The following ITPR1 variants were observed in gnomAD, a reference collection of about 807,000 sequenced individuals.
ITPR1 encodes the protein inositol 1,4,5-trisphosphate receptor type 1.
Under a neutral mutation model 318.4 loss-of-function variants are expected in ITPR1, and 96 were observed. The observed-to-expected ratio is 0.30, with a 90% CI of 0.26 to 0.36. The LOEUF is 0.36. Among genes scored for constraint, ITPR1 ranks in the 10% least tolerant of loss-of-function variants. The pLI is 1.00. For synonymous variants in ITPR1, 1,312 were observed against 1,289.9 expected (o/e 1.02, Z -0.37); for missense variants, 2,440 against 3,460.2 (o/e 0.71, Z 7.40).
intron 4 of ITPR1, among the ~76,000 whole-genome samples, chr3:4,562,114 C>A (rs1005493273): frequency 9.4e-6 from 1 of 106,476 alleles, no homozygotes; most frequent in Admixed American, 9.6e-5. Flanking sequence ...TAAATAAATG[C>A]AAAAAAAAAA....
intron 44 of ITPR1, chr3:4,751,150 T>A (rs2044481471): frequency 6.6e-6 from 1 of 152,654 alleles, no homozygotes; most frequent in Non-Finnish European, 1.5e-5. Flanking sequence ...AGCAATGACG[T>A]CTCTGTCTCC....
chr3:4,663,126 C>G lies in ITPR1; in HGVS notation c.1474C>G (p.Gln492Glu). The G allele has an allele frequency of 6.2e-7, 1 of 1,613,628 alleles. No homozygotes were observed. The highest frequency in any genetic ancestry group is 8.5e-7 in the Non-Finnish European group (1 of 1,179,670). The change falls in exon 16 of 62, where the codon CAA becomes GAA. Residue 492 changes from glutamine to glutamate, a missense_variant. Physicochemically the swap from Gln to Glu is conservative, Grantham distance 29. Around this residue, in one of 23 missense-constraint regions of ITPR1, gnomAD observed 478 missense variants for 696.3 expected, o/e 0.69. Coordinates refer to ENST00000649015, the MANE Select transcript of ITPR1 (RefSeq NM_001378452.1). ...YFVTGGTNSG[Q>E]DVLEVVFSKP... ...CGTCACTGGTGGAACTAATTCTGGTCAAGATGTTCTCGAAGTTGTCTTCTC... is the reference window on the plus strand; with the variant it reads ...CGTCACTGGTGGAACTAATTCTGGTGAAGATGTTCTCGAAGTTGTCTTCTC...
chr3:4,758,273 A>G (rs1485623725), intron 44 of ITPR1, among the ~76,000 whole-genome samples: 1 of 152,116 alleles, frequency 6.6e-6, no homozygotes, highest in Non-Finnish European at 1.5e-5. Flanking sequence ...TTAGAAGCTG[A>G]TGGAAATGCT....
chr3:4,558,038 T>C (rs2086307038), intron 4 of ITPR1, among the ~76,000 whole-genome samples: 1 of 152,210 alleles, frequency 6.6e-6, no homozygotes, highest in South Asian at 2.1e-4. Flanking sequence ...ATAAGTTTAG[T>C]AAAGTGTTTG....
chr3:4,497,317 T>C (rs1396814241), intron 2 of ITPR1, among the ~76,000 whole-genome samples: 1 of 59,606 alleles, frequency 1.7e-5, no homozygotes, highest in African/African-American at 6.3e-5. Flanking sequence ...TAACAGACTC[T>C]AAGACCTGTT....
At chr3:4,550,389 C>A (rs1330157598) in intron 4 of ITPR1, among the ~76,000 whole-genome samples, 1 of 152,202 alleles carries the variant, frequency 6.6e-6, no homozygotes, top group African/African-American at 2.4e-5. Context: ...TGCCATCTAC[C>A]TAACGGGGTC....
intron 2 of ITPR1, among the ~76,000 whole-genome samples, chr3:4,514,355 G>A (rs961062637): frequency 4.6e-5 from 7 of 152,154 alleles, no homozygotes; most frequent in African/African-American, 1.2e-4. Flanking sequence ...ATGCAGAACC[G>A]TGCTGTAGGA....
rs1051384673 is a variant in ITPR1, at chr3:4,847,474, A to T, written c.*1249A>T. On this transcript the variant is annotated 3_prime_UTR_variant, in exon 62 of 62. Coordinates refer to ENST00000649015, the MANE Select transcript of ITPR1 (RefSeq NM_001378452.1). ...TAAAGTTTGTAAATGCATATATAAA[A>T]ATATTTAATAAATGATGCAGAATAT... is the stretch of plus-strand genomic sequence containing the variant. 2.6e-5 allele frequency: 4 copies of T among 152,306 alleles called. No homozygotes were observed. Among genetic ancestry groups the T allele is most frequent in the Non-Finnish European group, 5.9e-5 (4 of 68,036 alleles). The allele number at this position is 152,306 out of a possible 1,614,324, so 9.4% of individuals were successfully genotyped here.
chr3:4,723,230 G>T (rs993832694), intron 40 of ITPR1, among the ~76,000 whole-genome samples: 3 of 152,238 alleles, frequency 2.0e-5, no homozygotes, highest in African/African-American at 7.2e-5. Flanking sequence ...GAGAGGTTCA[G>T]TGACTGGCTC....
At chr3:4,638,884 T>G (rs113837342) in intron 5 of ITPR1, among the ~76,000 whole-genome samples, 7 of 152,298 alleles carry the variant, frequency 4.6e-5, no homozygotes, top group African/African-American at 1.7e-4. Context: ...GGAGTTCATG[T>G]GAGGTGCAGG....
chr3:4,739,509 A>G (rs538979448), intron 44 of ITPR1, among the ~76,000 whole-genome samples: 1 of 152,290 alleles, frequency 6.6e-6, no homozygotes, highest in Admixed American at 6.5e-5. Context: ...GGATTCAACC[A>G]ACTGCAGATT....
In ITPR1 at chr3:4,846,214, C is replaced by A. The variant is rs1246971031; in HGVS notation, c.8266C>A (p.Gln2756Lys). The change falls in exon 62 of 62, where the codon CAA becomes AAA. Residue 2756 changes from glutamine (Q) to lysine (K), a missense_variant. By Grantham distance (53) the Gln-to-Lys change is moderately conservative. Coordinates refer to ENST00000649015, the MANE Select transcript of ITPR1 (RefSeq NM_001378452.1). ...HPPHMNVNPQ[Q>K]PA Reference sequence around the variant, plus strand: ...TCCTCACATGAATGTCAACCCACAACAACCAGCATAAGCAAATGAAAGAAA... The same window carrying A: ...TCCTCACATGAATGTCAACCCACAAAAACCAGCATAAGCAAATGAAAGAAA... The A allele has an allele frequency of 1.9e-6, 3 of 1,557,350 alleles. No individual in the cohort carries two copies. The highest frequency in any genetic ancestry group is 3.8e-5 in the Admixed American group (2 of 52,450).
rs528816144 is a variant in ITPR1 at position 4,711,982 on chromosome 3, A to AAAAG, written c.5103+134_5103+137dup. 2,767 of 527,108 alleles carry AAAAG rather than the reference A, an allele frequency of 5.2e-3. 8 individuals are homozygous for AAAAG. Among genetic ancestry groups the AAAAG allele is most frequent in the African/African-American group, 6.3e-3 (327 of 51,864 alleles). The allele number at this position is 527,108 out of a possible 1,614,324, so 32.7% of individuals were successfully genotyped here. A position where few individuals can be genotyped will look rare whatever the true frequency, so the allele number is the denominator to read the frequency against. On this transcript the variant is annotated intron_variant, in intron 39 of 61. Coordinates refer to ENST00000649015, the MANE Select transcript of ITPR1 (RefSeq NM_001378452.1). ...ACTGACTGAGGGGCTAGCTTTTTTTAAAAGAAAGAAAGAAAGAAAGAAAAA... is the reference window on the plus strand; with the variant it reads ...ACTGACTGAGGGGCTAGCTTTTTTTAAAAGAAAGAAAGAAAGAAAGAAAGAAAAA...
At chr3:4,839,190 G>A (rs1054673628) in intron 61 of ITPR1, among the ~76,000 whole-genome samples, 2 of 152,158 alleles carry the variant, frequency 1.3e-5, no homozygotes, top group Non-Finnish European at 2.9e-5. Flanking sequence ...AGCTGGACGT[G>A]GTGGCACATG....
rs924719673 is a variant in ITPR1, at chr3:4,768,641, G to C, written c.5856G>C (p.Glu1952Asp). 2 of 1,614,028 alleles carry C rather than the reference G, an allele frequency of 1.2e-6. No homozygotes were observed. Among genetic ancestry groups the C allele is most frequent in the Admixed American group, 1.7e-5 (1 of 60,026 alleles). The change falls in exon 46 of 62, where the codon GAG (glutamate) becomes GAC (aspartate). Residue 1952 changes from glutamate (E) to aspartate (D), a missense_variant. Glu to Asp is a conservative substitution (Grantham distance 45). Transcript: ENST00000649015. ...ADPDDHYQPG[E>D]GTQATADKAK... ...CCGACGACCACTACCAGCCTGGAGAGGGCACCCAGGCCACTGCCGACAAGG... is the reference window on the plus strand; with the variant it reads ...CCGACGACCACTACCAGCCTGGAGACGGCACCCAGGCCACTGCCGACAAGG...
intron 5 of ITPR1, 85 bp from the exon 6 acceptor site, chr3:4,639,299 A>C: frequency 9.8e-7 from 1 of 1,018,596 alleles, no homozygotes; most frequent in Non-Finnish European, 1.5e-6. Flanking sequence ...TCTTGTATGA[A>C]CTGGCGACAT....
chr3:4,511,307 C>CT (rs1196489402), intron 2 of ITPR1, among the ~76,000 whole-genome samples: 23 of 151,454 alleles, frequency 1.5e-4, no homozygotes, highest in South Asian at 4.2e-4. Context: ...CCTGCCCCCC[C>CT]TTTTTTTTTA....
chr3:4,508,370 T>C (rs866746664), intron 2 of ITPR1, among the ~76,000 whole-genome samples: 1 of 152,116 alleles, frequency 6.6e-6, no homozygotes, highest in Non-Finnish European at 1.5e-5. Flanking sequence ...AGGTAACTTA[T>C]TGGTTAATGA....
chr3:4,663,964 T>A (rs190586975), intron 16 of ITPR1, among the ~76,000 whole-genome samples: 1 of 152,340 alleles, frequency 6.6e-6, no homozygotes, highest in Admixed American at 6.5e-5. Flanking sequence ...TTCTTCAGTG[T>A]CTGTCCATGG....
Sources: allele counts gnomAD v4.1 joint callset (sites outside exome capture counted in the v4.1 genomes callset), GRCh38; gene constraint gnomAD v4.1.1; regional missense constraint gnomAD v4.1.1; transcripts MANE v1.5; gene names NCBI Gene and HGNC (gene_info 2026-07-23, HGNC 2026-07-21).